The following HPCAL1 variants were observed in gnomAD, a reference collection of about 807,000 sequenced individuals.
HPCAL1 encodes the protein hippocalcin-like protein 1.
Under a neutral mutation model 17.1 loss-of-function variants are expected in HPCAL1, and 8 were observed. That is an observed-to-expected ratio of 0.47 (90% CI 0.27 to 0.84). HPCAL1 has a LOEUF of 0.84. Ranked by LOEUF, HPCAL1 falls within the 40% of genes least tolerant of loss-of-function variation. The probability of loss-of-function intolerance (pLI) is 0.13; values close to 1 mark genes in which losing one functional copy is unlikely to be tolerated. For missense variants in HPCAL1, 165 were observed against 271.1 expected (o/e 0.61, Z 2.75); for synonymous variants, 112 against 111.4 (o/e 1.01, Z -0.03).
intron 1 of HPCAL1, among the ~76,000 whole-genome samples, chr2:10,382,625 A>C (rs1668034254): frequency 6.7e-6 from 1 of 149,350 alleles, no homozygotes; most frequent in South Asian, 2.1e-4. Context: ...GGAAATGACC[A>C]CATGCAAAGC....
intron 1 of HPCAL1, among the ~76,000 whole-genome samples, chr2:10,361,455 A>ACGGG (rs1297724566): frequency 1.3e-5 from 2 of 152,126 alleles, no homozygotes; most frequent in Non-Finnish European, 2.9e-5. Context: ...CTAGCTGAGG[A>ACGGG]CTTATCTTCT....
intron 3 of HPCAL1, among the ~76,000 whole-genome samples, chr2:10,421,048 G>T (rs1326547183): frequency 6.6e-6 from 1 of 152,198 alleles, no homozygotes; most frequent in East Asian, 1.9e-4. Context: ...ATGGGCCACC[G>T]TGCCTGGCCA....
chr2:10,423,352 G>T, intron 4 of HPCAL1: 1 of 465,842 alleles, frequency 2.1e-6, no homozygotes, highest in Non-Finnish European at 4.0e-6. Flanking sequence ...TATAGAATCG[G>T]GCATACCCAT....
intron 1 of HPCAL1, among the ~76,000 whole-genome samples, chr2:10,329,424 T>G (rs930671899): frequency 6.6e-6 from 1 of 152,056 alleles, no homozygotes; most frequent in African/African-American, 2.4e-5. Context: ...GAGGGAGGTG[T>G]GACTCTGGAA....
chr2:10,329,060 G>A (rs1370750348), intron 1 of HPCAL1, among the ~76,000 whole-genome samples: 1 of 152,068 alleles, frequency 6.6e-6, no homozygotes, highest in Non-Finnish European at 1.5e-5. Flanking sequence ...CAACTCCTGG[G>A]TTCAAGTGTC....
intron 2 of HPCAL1, among the ~76,000 whole-genome samples, chr2:10,414,331 T>A (rs1242265866): frequency 6.6e-6 from 1 of 152,176 alleles, no homozygotes; most frequent in East Asian, 1.9e-4. Flanking sequence ...ACTACAGAAC[T>A]CTGTTTTCTC....
Position 10,359,784 on chromosome 2 carries a change from G to T in HPCAL1, c.-110-37051G>T, listed in dbSNP as rs761002747. 6.6e-6 allele frequency among the ~76,000 whole-genome samples: 1 copy of T among 152,226 alleles called. No homozygotes were observed. The highest frequency in any genetic ancestry group is 1.5e-5 in the Non-Finnish European group (1 of 68,038). ...CCCAGATCCCCGTGTCCCCCACAGCGGTGGCGGTTTTATTGATGTATTGTG... is the reference window on the plus strand; with the variant it reads ...CCCAGATCCCCGTGTCCCCCACAGCTGTGGCGGTTTTATTGATGTATTGTG... On this transcript the variant is annotated intron_variant, in intron 1 of 4. Coordinates refer to ENST00000307845, the MANE Select transcript of HPCAL1 (RefSeq NM_002149.4). The surrounding 1 kb of genome is among the most constrained non-coding windows in gnomAD (Gnocchi z 4.1).
At chr2:10,334,068 C>A (rs1221399484) in intron 1 of HPCAL1, among the ~76,000 whole-genome samples, 2 of 152,204 alleles carry the variant, frequency 1.3e-5, no homozygotes, top group Admixed American at 1.3e-4. Context: ...TCTTTTCTTT[C>A]CCCAGTGACC....
intron 1 of HPCAL1, among the ~76,000 whole-genome samples, chr2:10,314,208 C>G (rs966515098): frequency 4.6e-5 from 7 of 150,632 alleles, no homozygotes; most frequent in African/African-American, 1.5e-4. Context: ...CAACTGCCAT[C>G]TTAAGAGGCA....
intron 1 of HPCAL1, among the ~76,000 whole-genome samples, chr2:10,340,102 T>G (rs943239044): frequency 6.6e-6 from 1 of 152,212 alleles, no homozygotes; most frequent in Non-Finnish European, 1.5e-5. Context: ...GCCTCAGTGG[T>G]GGGGTGTGCC....
intron 2 of HPCAL1, among the ~76,000 whole-genome samples, chr2:10,418,633 C>A (rs1251861420): frequency 6.6e-6 from 1 of 152,080 alleles, no homozygotes; most frequent in East Asian, 1.9e-4. Context: ...CTTTTTATTT[C>A]TCATTCTTCC....
At chr2:10,414,962 C>T (rs1670570148) in intron 2 of HPCAL1, among the ~76,000 whole-genome samples, 1 of 152,202 alleles carries the variant, frequency 6.6e-6, no homozygotes, top group Non-Finnish European at 1.5e-5. Context: ...GCTGCAAGAA[C>T]GCCACAGTTT....
At chr2:10,409,371 T>A (rs1025694847) in intron 2 of HPCAL1, among the ~76,000 whole-genome samples, 2 of 152,136 alleles carry the variant, frequency 1.3e-5, no homozygotes, top group African/African-American at 4.8e-5. Flanking sequence ...TGCACCTGGG[T>A]CCTGGCAGCC....
chr2:10,383,259 C>A (rs1470290672), intron 1 of HPCAL1, among the ~76,000 whole-genome samples: 1 of 152,150 alleles, frequency 6.6e-6, no homozygotes, highest in Non-Finnish European at 1.5e-5. Flanking sequence ...GTGGTCCCAG[C>A]TACTCAGGAG....
chr2:10,316,861 A>C (rs560723766), intron 1 of HPCAL1, among the ~76,000 whole-genome samples: 4 of 152,378 alleles, frequency 2.6e-5, no homozygotes, highest in African/African-American at 9.6e-5. Context: ...GGTCTGGAGA[A>C]GAAAATGTAA....
At chr2:10,348,496 G>C (rs1572692686) in intron 1 of HPCAL1, among the ~76,000 whole-genome samples, 1 of 151,784 alleles carries the variant, frequency 6.6e-6, no homozygotes, top group South Asian at 2.1e-4. Context: ...AGCTGTGGTG[G>C]TTCACACCTG....
At chr2:10,337,476 C>T (rs559660828) in intron 1 of HPCAL1, among the ~76,000 whole-genome samples, 2 of 152,244 alleles carry the variant, frequency 1.3e-5, no homozygotes, top group African/African-American at 2.4e-5. Context: ...CCTGGCTCCC[C>T]GGTTGCCCAC....
rs59732760 is a variant in HPCAL1 at position 10,354,645 on chromosome 2, C to T, written c.-110-42190C>T. On this transcript the variant is annotated intron_variant, in intron 1 of 4. Coordinates refer to ENST00000307845, the MANE Select transcript of HPCAL1 (RefSeq NM_002149.4). This position sits in a 1 kb window ranked among gnomAD's most constrained non-coding sequence, Gnocchi z 5.1. ...TGCTTCTCACATTCTTTCCATTGTC[C>T]GACGCACTGAGGCAGAGACAGGAAT... 0.021 allele frequency among the ~76,000 whole-genome samples: 3,156 copies of T among 152,272 alleles called. 121 individuals carry two copies. Among genetic ancestry groups the T allele is most frequent in the African/African-American group, 0.071 (2,958 of 41,552 alleles).
In HPCAL1 at chr2:10,395,748, A is replaced by T. The variant is rs1364740248; in HGVS notation, c.-110-1087A>T. On this transcript the variant is annotated intron_variant, in intron 1 of 4. Coordinates refer to ENST00000307845, the MANE Select transcript of HPCAL1 (RefSeq NM_002149.4). The surrounding 1 kb of genome is among the most constrained non-coding windows in gnomAD (Gnocchi z 4.4). ...ATCCTGGCTCGGCCCCTTGGAAGACACATGATCTTGCAGGTAATTAGCTCC... is the reference window on the plus strand; with the variant it reads ...ATCCTGGCTCGGCCCCTTGGAAGACTCATGATCTTGCAGGTAATTAGCTCC... 5.3e-5 allele frequency among the ~76,000 whole-genome samples: 8 copies of T among 152,198 alleles called. No individual in the cohort carries two copies. The highest frequency in any genetic ancestry group is 7.3e-5 in the Non-Finnish European group (5 of 68,034).
Sources: allele counts gnomAD v4.1 joint callset (sites outside exome capture counted in the v4.1 genomes callset), GRCh38; gene constraint gnomAD v4.1.1; non-coding constraint Gnocchi (gnomAD v3.1); transcripts MANE v1.5; gene names NCBI Gene and HGNC (gene_info 2026-07-23, HGNC 2026-07-21).